PRIM2: variants seen among roughly 807,000 people sequenced by gnomAD.
The protein encoded by PRIM2 is DNA primase large subunit.
Under a neutral mutation model 67.3 loss-of-function variants are expected in PRIM2, and 39 were observed. The ratio of observed to expected loss-of-function variants is 0.58; its 90% CI spans 0.45 to 0.76. PRIM2 has a LOEUF of 0.76. Ranked by LOEUF, PRIM2 falls within the 30% of genes least tolerant of loss-of-function variation. PRIM2 has a pLI of 0.00. For missense variants in PRIM2, 398 were observed against 598.7 expected (o/e 0.66, Z 3.50); for synonymous variants, 143 against 198.7 (o/e 0.72, Z 2.36).
intron 10 of PRIM2, among the ~76,000 whole-genome samples, chr6:57,569,824 G>T (rs1775827279): frequency 2.0e-5 from 3 of 151,610 alleles, no homozygotes; most frequent in Admixed American, 6.6e-5. Context: ...TTGGCTCACT[G>T]CAACCTCTGC....
the PRIM2 span, among the ~76,000 whole-genome samples, chr6:57,290,132 A>G: frequency 2.6e-5 from 4 of 151,782 alleles, no homozygotes; most frequent in Admixed American, 6.6e-5. Context: ...AGAAAGAAAA[A>G]AAAAAAAAAA....
At chr6:57,512,626 CTCTG>C (rs1429875942) in intron 8 of PRIM2, among the ~76,000 whole-genome samples, 2 of 152,046 alleles carry the variant, frequency 1.3e-5, no homozygotes, top group Non-Finnish European at 2.9e-5. Context: ...CAAAGTCTCA[CTCTG>C]TCTGTCGCCC....
intron 10 of PRIM2, among the ~76,000 whole-genome samples, chr6:57,549,896 A>G (rs1775365506): frequency 6.6e-6 from 1 of 151,936 alleles, no homozygotes; most frequent in Non-Finnish European, 1.5e-5. Flanking sequence ...GACCAGCCTG[A>G]CCAACATGGA....
chr6:57,240,089 C>CTTTTT, the PRIM2 span, among the ~76,000 whole-genome samples: 3 of 92,070 alleles, frequency 3.3e-5, no homozygotes, highest in African/African-American at 1.5e-4. Flanking sequence ...GATCAATAAT[C>CTTTTT]TGTTTTTTTT....
At chr6:57,398,079 C>T (rs1041378153) in intron 7 of PRIM2, among the ~76,000 whole-genome samples, 1 of 151,708 alleles carries the variant, frequency 6.6e-6, no homozygotes, top group African/African-American at 2.4e-5. Context: ...CCTACCTCAG[C>T]CTTCTGAGTT....
the PRIM2 span, among the ~76,000 whole-genome samples, chr6:57,274,561 A>G: frequency 7.9e-5 from 12 of 152,016 alleles, no homozygotes; most frequent in Non-Finnish European, 7.4e-5. Context: ...GAATTCCCTG[A>G]CCCTTTGCGC....
At chr6:57,265,663 G>GA in the PRIM2 span, among the ~76,000 whole-genome samples, 1 of 152,184 alleles carries the variant, frequency 6.6e-6, no homozygotes, top group South Asian at 2.1e-4. Context: ...AGATAGCCCA[G>GA]AAATTGATGT....
At chr6:57,252,548 C>T in the PRIM2 span, among the ~76,000 whole-genome samples, 1 of 152,208 alleles carries the variant, frequency 6.6e-6, no homozygotes, top group Non-Finnish European at 1.5e-5. Flanking sequence ...TCAAGGGATT[C>T]TCCTGCCTCA....
rs1459345670 is a variant in PRIM2 at position 57,541,082 on chromosome 6, G to T, written c.1020+3457G>T. 4.6e-5 allele frequency among the ~76,000 whole-genome samples: 7 copies of T among 152,306 alleles called. No individual in the cohort carries two copies. The East Asian group carries it at 1.3e-3, about 29-fold the overall frequency. ...CTTCCCCAAACCAGAGAAAAGTAAT[G>T]ATATTACAAGAAACAGTTGAATTGC... On this transcript the variant is annotated intron_variant, in intron 10 of 13. Transcript: ENST00000615550.
At chr6:57,318,912 T>C (rs990357043) in intron 2 of PRIM2, among the ~76,000 whole-genome samples, 3 of 152,210 alleles carry the variant, frequency 2.0e-5, no homozygotes, top group Non-Finnish European at 4.4e-5. Context: ...TCCAAAATAA[T>C]AGTCATAATT....
At chr6:57,539,649 TG>T (rs1775099035) in intron 10 of PRIM2, among the ~76,000 whole-genome samples, 3 of 68,856 alleles carry the variant, frequency 4.4e-5, no homozygotes, top group African/African-American at 2.4e-4. Context: ...TGTGTGTGTG[TG>T]TGTGTGTATA....
chr6:57,604,793 C>A (rs1329579381), intron 11 of PRIM2, among the ~76,000 whole-genome samples: 37 of 151,808 alleles, frequency 2.4e-4, no homozygotes, highest in Middle Eastern at 3.4e-3. Context: ...TGGGTTCATG[C>A]CGTTCTCCTG....
At chr6:57,546,080 T>A (rs1450936880) in intron 10 of PRIM2, among the ~76,000 whole-genome samples, 1 of 152,188 alleles carries the variant, frequency 6.6e-6, no homozygotes, top group Non-Finnish European at 1.5e-5. Context: ...ATATGTGTAG[T>A]TTCACAACTT....
intron 8 of PRIM2, among the ~76,000 whole-genome samples, chr6:57,511,944 T>C (rs1366358070): frequency 1.3e-5 from 2 of 152,134 alleles, no homozygotes; most frequent in South Asian, 4.2e-4. Context: ...TTGGTTAAAA[T>C]AAAGGGAACG....
intron 5 of PRIM2, among the ~76,000 whole-genome samples, chr6:57,330,893 G>T (rs547775339): frequency 6.6e-6 from 1 of 152,078 alleles, no homozygotes; most frequent in South Asian, 2.1e-4. Context: ...TATTAATATG[G>T]TGTGTTGGGC....
rs1321624160 is a variant in PRIM2, at chr6:57,553,177, T to C, written c.1020+15552T>C. On this transcript the variant is annotated intron_variant, in intron 10 of 13. Coordinates refer to ENST00000615550, the MANE Select transcript of PRIM2 (RefSeq NM_000947.5). ...TTAAAGGGATTTTTATTTGTTTAAA[T>C]ATAGTCGCTTTGTAATTTAGATAGA... 1.2e-4 allele frequency among the ~76,000 whole-genome samples: 18 copies of C among 152,138 alleles called. 1 individual carries two copies. The highest frequency in any genetic ancestry group is 1.2e-3 in the Admixed American group (18 of 15,280).
chr6:57,595,159 T>C (rs1326544629), intron 10 of PRIM2, among the ~76,000 whole-genome samples: 57 of 152,074 alleles, frequency 3.7e-4, no homozygotes, highest in African/African-American at 1.3e-3. Context: ...GGTGGGGGTA[T>C]AAAATAGTAC....
chr6:57,254,031 G>A, the PRIM2 span, among the ~76,000 whole-genome samples: 130 of 152,286 alleles, frequency 8.5e-4, no homozygotes, highest in Non-Finnish European at 1.6e-3. Flanking sequence ...ACCAAGAATT[G>A]TCCAACTTTA....
intron 7 of PRIM2, among the ~76,000 whole-genome samples, chr6:57,392,538 G>C (rs1770386722): frequency 6.6e-6 from 1 of 151,586 alleles, no homozygotes; most frequent in Non-Finnish European, 1.5e-5. Flanking sequence ...TGAAAAATTA[G>C]GTCTCAAATA....
Sources: allele counts gnomAD v4.1 joint callset (sites outside exome capture counted in the v4.1 genomes callset), GRCh38; gene constraint gnomAD v4.1.1; transcripts MANE v1.5; gene names NCBI Gene and HGNC (gene_info 2026-07-23, HGNC 2026-07-21).